OSBP2: variants seen among roughly 807,000 people sequenced by gnomAD.
OSBP2 encodes oxysterol-binding protein 2.
In OSBP2, 66 loss-of-function variants were observed where a neutral mutation model predicts 96.0. The observed-to-expected ratio is 0.69, with a 90% CI of 0.56 to 0.84. The LOEUF (loss-of-function observed/expected upper bound fraction) is 0.84. Among genes scored for constraint, OSBP2 ranks in the 40% least tolerant of loss-of-function variants. OSBP2 has a pLI of 0.00. For synonymous variants in OSBP2, 525 were observed against 520.9 expected (o/e 1.01, Z -0.11); for missense variants, 1,038 against 1,222.7 (o/e 0.85, Z 2.25).
chr22:30,777,506 T>C (rs1355385404), intron 2 of OSBP2, among the ~76,000 whole-genome samples: 1 of 152,214 alleles, frequency 6.6e-6, no homozygotes, highest in Admixed American at 6.5e-5. Context: ...GTAAGTCCAT[T>C]GAACCTCTTT....
At chr22:30,705,271 C>T (rs1781249441) in intron 1 of OSBP2, among the ~76,000 whole-genome samples, 1 of 145,692 alleles carries the variant, frequency 6.9e-6, no homozygotes. Flanking sequence ...ACCCCTTCCT[C>T]CCCAGTATTT....
intron 2 of OSBP2, among the ~76,000 whole-genome samples, chr22:30,826,681 A>G (rs1258716014): frequency 6.6e-6 from 1 of 152,136 alleles, no homozygotes; most frequent in Non-Finnish European, 1.5e-5. Context: ...AGCACTCAGC[A>G]CTTTTGTCTA....
chr22:30,879,068 T>A (rs1215748238), intron 3 of OSBP2, among the ~76,000 whole-genome samples: 1 of 152,150 alleles, frequency 6.6e-6, no homozygotes, highest in Non-Finnish European at 1.5e-5. Context: ...AAGACCCGCA[T>A]CAGAAGGGGC....
At position 30,881,760 on chromosome 22, in the gene OSBP2, G is replaced by A. The variant is rs1403031524; in HGVS notation, c.1108-5666G>A. 10 of 1,304,038 alleles carry A rather than the reference G, an allele frequency of 7.7e-6. No individual in the cohort carries two copies. In the African/African-American group the frequency reaches 9.1e-5, roughly 12 times the overall value. 80.8% of individuals were successfully genotyped at this position (1,304,038 alleles called of 1,614,324 possible). On this transcript the variant is annotated intron_variant, in intron 3 of 13. Transcript: ENST00000332585. This position sits in a 1 kb window ranked among gnomAD's most constrained non-coding sequence, Gnocchi z 4.5. ...GCCAGGATGGGGCCTGGAGAAGGCC[G>A]GCAGCAGCAGAGGAGACCCTGGGAG...
intron 2 of OSBP2, among the ~76,000 whole-genome samples, chr22:30,863,742 G>A (rs2039273442): frequency 6.6e-6 from 1 of 152,202 alleles, no homozygotes; most frequent in Admixed American, 6.5e-5. Context: ...TGGGCCCGAG[G>A]GAGGTCCACT....
At position 30,906,050 on chromosome 22, in the gene OSBP2, C is replaced by T; in HGVS notation, c.2589C>T (p.Ser863=). ...GGCTGGAGGCCTGCGGGCCGGGCAG[C>T]AGCTGCAGCTCGGAGGAAGGTGAGG... is the stretch of plus-strand genomic sequence containing the variant. ...RRRLEACGPG[S]SCSSEEEKEA... Residue 863 remains serine, a synonymous_variant, in exon 13 of 14, where the codon AGC becomes AGT. Transcript: ENST00000332585. 3 of 1,563,594 alleles carry T rather than the reference C, an allele frequency of 1.9e-6. No individual in the cohort carries two copies. The highest frequency in any genetic ancestry group is 2.6e-6 in the Non-Finnish European group (3 of 1,156,510).
At chr22:30,706,061 CA>C (rs1322472671) in intron 1 of OSBP2, among the ~76,000 whole-genome samples, 2 of 152,108 alleles carry the variant, frequency 1.3e-5, no homozygotes, top group Non-Finnish European at 2.9e-5. Flanking sequence ...ATGCTTATCC[CA>C]AGGGGAAAGA....
intron 2 of OSBP2, among the ~76,000 whole-genome samples, chr22:30,784,240 A>G (rs1313320065): frequency 7.1e-6 from 1 of 140,380 alleles, no homozygotes; most frequent in Non-Finnish European, 1.5e-5. Flanking sequence ...AACAAGTGTG[A>G]TTTATTTATT....
At chr22:30,797,224 A>C (rs1170496434) in intron 2 of OSBP2, among the ~76,000 whole-genome samples, 1 of 152,220 alleles carries the variant, frequency 6.6e-6, no homozygotes, top group Non-Finnish European at 1.5e-5. Context: ...TGGATAGACT[A>C]CATTTTGTGT....
At chr22:30,754,369 G>C (rs1177010030) in intron 2 of OSBP2, among the ~76,000 whole-genome samples, 1 of 152,202 alleles carries the variant, frequency 6.6e-6, no homozygotes, top group Non-Finnish European at 1.5e-5. Flanking sequence ...TCCCTCAGCA[G>C]GCTTTGATTG....
At chr22:30,900,938 A>C (rs73156721) in intron 12 of OSBP2, among the ~76,000 whole-genome samples, 11 of 152,382 alleles carry the variant, frequency 7.2e-5, no homozygotes, top group Non-Finnish European at 1.3e-4. Flanking sequence ...CAATTTAAAG[A>C]AAGTGAAAAG....
At chr22:30,840,792 G>A (rs964922652) in intron 2 of OSBP2, among the ~76,000 whole-genome samples, 1 of 151,932 alleles carries the variant, frequency 6.6e-6, no homozygotes, top group African/African-American at 2.4e-5. Flanking sequence ...ACAAAGTGCT[G>A]CATACATGCT....
chr22:30,751,477 C>T (rs2090073039), intron 2 of OSBP2, among the ~76,000 whole-genome samples: 1 of 152,110 alleles, frequency 6.6e-6, no homozygotes, highest in Non-Finnish European at 1.5e-5. Context: ...GCCTCAGCCT[C>T]CCAAGTAGCT....
At chr22:30,906,150 G>C in intron 13 of OSBP2, 47 bp from the exon 14 acceptor site, 1 of 1,612,850 alleles carries the variant, frequency 6.2e-7, no homozygotes. Flanking sequence ...GATTCCGGGG[G>C]AGCAGGCCAC....
intron 2 of OSBP2, among the ~76,000 whole-genome samples, chr22:30,828,849 C>T (rs536580887): frequency 6.6e-6 from 1 of 152,212 alleles, no homozygotes; most frequent in East Asian, 1.9e-4. Context: ...GCAGAAGTCC[C>T]CCTCAGCAAA....
intron 1 of OSBP2, among the ~76,000 whole-genome samples, chr22:30,709,907 G>T (rs1400119675): frequency 6.7e-6 from 1 of 149,472 alleles, no homozygotes; most frequent in Non-Finnish European, 1.5e-5. Context: ...TTCTGAAATG[G>T]AGTCTTGCTT....
At chr22:30,887,953 AGCTGG>A (rs1034801601) in intron 4 of OSBP2, among the ~76,000 whole-genome samples, 1 of 152,206 alleles carries the variant, frequency 6.6e-6, no homozygotes, top group African/African-American at 2.4e-5. Flanking sequence ...CAGAAAGGGA[AGCTGG>A]GCCACAGAAA....
chr22:30,896,406 C>T (rs2040069310), intron 12 of OSBP2, among the ~76,000 whole-genome samples: 1 of 152,076 alleles, frequency 6.6e-6, no homozygotes, highest in African/African-American at 2.4e-5. Context: ...TTTAGATAAT[C>T]TTAGCATGAT....
At chr22:30,898,829 G>T (rs1469717534) in intron 12 of OSBP2, among the ~76,000 whole-genome samples, 4 of 151,092 alleles carry the variant, frequency 2.6e-5, no homozygotes, top group African/African-American at 7.3e-5. Context: ...TTTGAGACCA[G>T]CCTGGGCAAT....
Sources: gnomAD v4.1 joint callset for allele counts (sites outside exome capture counted in the v4.1 genomes callset) on GRCh38, gnomAD v4.1.1 for gene constraint, Gnocchi (gnomAD v3.1) non-coding constraint, MANE v1.5 for transcripts, NCBI Gene and HGNC (gene_info 2026-07-23, HGNC 2026-07-21) for gene names.